Variants in DGKG observed in about 807,000 individuals in gnomAD.
The protein encoded by DGKG is DAG kinase gamma.
A neutral mutation model predicts 105.3 loss-of-function variants in DGKG; 78 were observed. The ratio of observed to expected loss-of-function variants is 0.74; its 90% CI spans 0.62 to 0.89. The LOEUF (loss-of-function observed/expected upper bound fraction) is 0.89. Among genes scored for constraint, DGKG ranks in the 40% least tolerant of loss-of-function variants. DGKG has a pLI of 0.00. For missense variants in DGKG, 958 were observed against 1,020.1 expected, an observed-to-expected ratio of 0.94 and a Z score of 0.83; for synonymous variants, 346 against 367.1, an observed-to-expected ratio of 0.94 and a Z score of 0.66.
intron 2 of DGKG, among the ~76,000 whole-genome samples, chr3:186,307,837 G>A (rs1724325108): frequency 6.6e-6 from 1 of 150,922 alleles, no homozygotes; most frequent in Non-Finnish European, 1.5e-5. Context: ...GTACACTATG[G>A]CAAGATAGTT....
chr3:186,247,883 T>C (rs1341575430), intron 19 of DGKG, among the ~76,000 whole-genome samples: 1 of 152,226 alleles, frequency 6.6e-6, no homozygotes, highest in African/African-American at 2.4e-5. Context: ...GTAGGTAAAT[T>C]ATCTTGACCA....
At chr3:186,211,152 C>G (rs565312792) in intron 21 of DGKG, among the ~76,000 whole-genome samples, 1 of 152,164 alleles carries the variant, frequency 6.6e-6, no homozygotes, top group Non-Finnish European at 1.5e-5. Flanking sequence ...ACATAATTTG[C>G]GGGGCCTAGT....
intron 6 of DGKG, among the ~76,000 whole-genome samples, chr3:186,287,649 A>C (rs1723131661): frequency 6.6e-6 from 1 of 152,224 alleles, no homozygotes; most frequent in Non-Finnish European, 1.5e-5. Context: ...TTGATGTTTC[A>C]CTTTTAACAT....
At chr3:186,222,805 C>T (rs1255165230) in intron 20 of DGKG, among the ~76,000 whole-genome samples, 1 of 151,522 alleles carries the variant, frequency 6.6e-6, no homozygotes, top group African/African-American at 2.4e-5. Flanking sequence ...CGGTGACACC[C>T]CATCTCTACT....
Position 186,164,990 on chromosome 3 carries a change from C to T in DGKG, c.2124G>A (p.Val708=), listed in dbSNP as rs6770236. The change falls in exon 23 of 25, where the codon GTG becomes GTA. Residue 708 remains valine (V), a synonymous_variant. Transcript: ENST00000265022. ...CCATCTCCATGGCTCCTTCTAGCCC[C>T]ACCACTTCAAGGAGCTGGTCACTGA... ...QDLSDQLLEV[V]GLEGAMEMGQ... is the part of the protein sequence containing the mutation. The T allele has an allele frequency of 6.2e-6, 10 of 1,613,388 alleles. No individual in the cohort carries two copies. The highest frequency in any genetic ancestry group is 1.1e-5 in the South Asian group (1 of 91,052).
chr3:186,296,112 C>CAAAAAAAAAAAAAA (rs36070727), intron 5 of DGKG, among the ~76,000 whole-genome samples: 12 of 143,430 alleles, frequency 8.4e-5, no homozygotes, highest in African/African-American at 2.6e-4. Flanking sequence ...TTATCTCAGA[C>CAAAAAAAAAAAAAA]AAAAAAAAAA....
chr3:186,267,316 G>A (rs1348334559), intron 13 of DGKG, among the ~76,000 whole-genome samples: 1 of 152,138 alleles, frequency 6.6e-6, no homozygotes, highest in Non-Finnish European at 1.5e-5. Flanking sequence ...TCAGCAATTG[G>A]CAACAGTTTA....
intron 21 of DGKG, among the ~76,000 whole-genome samples, chr3:186,192,882 C>T (rs1717974647): frequency 6.6e-6 from 1 of 152,202 alleles, no homozygotes; most frequent in African/African-American, 2.4e-5. Context: ...AAAAGTACAT[C>T]ACCAGCACAG....
chr3:186,328,087 C>G (rs565371744), intron 1 of DGKG, among the ~76,000 whole-genome samples: 3 of 152,320 alleles, frequency 2.0e-5, no homozygotes, highest in African/African-American at 4.8e-5. Flanking sequence ...TATGGCCTGA[C>G]AAACACACCA....
chr3:186,337,411 AC>A (rs148859604), intron 1 of DGKG, among the ~76,000 whole-genome samples: 2,676 of 152,116 alleles, frequency 0.018, 77 homozygotes, highest in African/African-American at 0.062. Flanking sequence ...TAATAAAAAA[AC>A]AAACAAAAAA....
intron 1 of DGKG, among the ~76,000 whole-genome samples, chr3:186,354,668 T>G (rs772259353): frequency 3.0e-4 from 45 of 152,222 alleles, no homozygotes; most frequent in Non-Finnish European, 5.0e-4. Flanking sequence ...CACATCATGA[T>G]TCCAGGAAAG....
intron 23 of DGKG, among the ~76,000 whole-genome samples, chr3:186,163,956 CAA>C (rs911085903): frequency 3.9e-5 from 6 of 152,116 alleles, no homozygotes; most frequent in Middle Eastern, 3.4e-3. Context: ...AGACAGAAAA[CAA>C]AGAGGGGAAA....
chr3:186,199,674 G>A (rs888365565), intron 21 of DGKG, among the ~76,000 whole-genome samples: 2 of 151,942 alleles, frequency 1.3e-5, no homozygotes, highest in Admixed American at 1.3e-4. Context: ...CACCACATCC[G>A]GCTAATTTTT....
chr3:186,284,678 G>A lies in DGKG; in HGVS notation c.576C>T (p.Asn192=), dbSNP rs768853121. The A allele has an allele frequency of 3.7e-5, 60 of 1,613,758 alleles. No homozygotes were observed. Among genetic ancestry groups the A allele is most frequent in the South Asian group, 1.4e-4 (13 of 91,080 alleles). ...AACTTACCGCTTGGTCCAGGAGACCGTTCTCATCTGAATCATAGAGGCGAA... is the reference window on the plus strand; with the variant it reads ...AACTTACCGCTTGGTCCAGGAGACCATTCTCATCTGAATCATAGAGGCGAA... ...FMFRLYDSDE[N]GLLDQAEMDC... is the part of the protein sequence containing the mutation. The change falls in exon 7 of 25, where the codon AAC becomes AAT. Residue 192 remains asparagine (N), a synonymous_variant. Coordinates refer to ENST00000265022, the MANE Select transcript of DGKG (RefSeq NM_001346.3). The surrounding 1 kb of genome is among the most constrained non-coding windows in gnomAD (Gnocchi z 4.0).
chr3:186,269,211 C>T (rs988281835), intron 11 of DGKG, among the ~76,000 whole-genome samples: 4 of 152,252 alleles, frequency 2.6e-5, no homozygotes, highest in Non-Finnish European at 5.9e-5. Flanking sequence ...GGCAGTCCAT[C>T]TGTTTGTCTT....
chr3:186,233,460 C>A (rs181507866), intron 20 of DGKG, among the ~76,000 whole-genome samples: 1 of 151,116 alleles, frequency 6.6e-6, no homozygotes, highest in East Asian at 1.9e-4. Flanking sequence ...AACTGTAACA[C>A]AGCAGTGCCG....
At chr3:186,186,750 TG>T (rs1278373972) in intron 22 of DGKG, among the ~76,000 whole-genome samples, 1 of 152,228 alleles carries the variant, frequency 6.6e-6, no homozygotes, top group East Asian at 1.9e-4. Flanking sequence ...ATTGAGGACC[TG>T]TGAGGACCCG....
chr3:186,164,968 T>A lies in DGKG; in HGVS notation c.2146A>T (p.Met716Leu). ...EVVGLEGAMEMGQIYTGLKSA... is the reference protein window; with the variant it reads ...EVVGLEGAMELGQIYTGLKSA... ...TTCAGGCCGGTGTAGATCTGCCCCATCTCCATGGCTCCTTCTAGCCCCACC... is the reference window on the plus strand; with the variant it reads ...TTCAGGCCGGTGTAGATCTGCCCCAACTCCATGGCTCCTTCTAGCCCCACC... The change falls in exon 23 of 25, where the codon ATG (methionine) becomes TTG (leucine). Residue 716 changes from methionine to leucine, a missense_variant. By Grantham distance (15) the Met-to-Leu change is conservative. Around this residue, in one of 2 missense-constraint regions of DGKG, gnomAD observed 315 missense variants for 400.6 expected, o/e 0.79. Coordinates refer to ENST00000265022, the MANE Select transcript of DGKG (RefSeq NM_001346.3). The A allele has an allele frequency of 6.2e-7, 1 of 1,612,126 alleles. No homozygotes were observed. The highest frequency in any genetic ancestry group is 8.5e-7 in the Non-Finnish European group (1 of 1,179,316).
At chr3:186,212,644 G>A (rs80060815) in intron 20 of DGKG, among the ~76,000 whole-genome samples, 1,754 of 152,222 alleles carry the variant, frequency 0.012, 33 homozygotes, top group South Asian at 0.066. Flanking sequence ...TGGGGTTCCC[G>A]TGTAGCTGGG....
Sources: gnomAD v4.1 joint callset for allele counts (sites outside exome capture counted in the v4.1 genomes callset) on GRCh38, gnomAD v4.1.1 for gene constraint, gnomAD v4.1.1 regional missense constraint, Gnocchi (gnomAD v3.1) non-coding constraint, MANE v1.5 for transcripts, NCBI Gene and HGNC (gene_info 2026-07-23, HGNC 2026-07-21) for gene names.